The following CEP57L1 variants were observed in gnomAD, a reference collection of about 807,000 sequenced individuals.
The protein encoded by CEP57L1 is centrosomal protein CEP57L1.
A neutral mutation model predicts 61.0 loss-of-function variants in CEP57L1; 37 were observed. That is an observed-to-expected ratio of 0.61 (90% CI 0.47 to 0.80). The LOEUF (loss-of-function observed/expected upper bound fraction) is 0.80, where lower values mean the gene tolerates loss of function less well. Among genes scored for constraint, CEP57L1 ranks in the 30% least tolerant of loss-of-function variants. The probability of loss-of-function intolerance (pLI) is 0.00; values close to 1 mark genes in which losing one functional copy is unlikely to be tolerated. For synonymous variants in CEP57L1, 137 were observed against 162.3 expected (o/e 0.84, Z 1.19); for missense variants, 422 against 524.7 (o/e 0.80, Z 1.91).
At chr6:109,137,229 C>G (rs986969413) in intron 1 of CEP57L1, among the ~76,000 whole-genome samples, 1 of 151,972 alleles carries the variant, frequency 6.6e-6, no homozygotes. Context: ...GTTTTATTTA[C>G]TAAGTTATAA....
At chr6:109,136,217 A>G (rs906742216) in intron 1 of CEP57L1, among the ~76,000 whole-genome samples, 1 of 152,236 alleles carries the variant, frequency 6.6e-6, no homozygotes, top group African/African-American at 2.4e-5. Flanking sequence ...CATATACACC[A>G]TGGAATACTA....
intron 1 of CEP57L1, among the ~76,000 whole-genome samples, chr6:109,144,378 G>A (rs183206638): frequency 1.3e-5 from 2 of 152,180 alleles, no homozygotes; most frequent in East Asian, 3.9e-4. Flanking sequence ...AAGCTTTCTT[G>A]CTTAAAATTC....
At chr6:109,137,607 A>G (rs917717492) in intron 1 of CEP57L1, among the ~76,000 whole-genome samples, 1 of 152,164 alleles carries the variant, frequency 6.6e-6, no homozygotes, top group Non-Finnish European at 1.5e-5. Context: ...GCCTCAAAAC[A>G]TACTTTTAAT....
rs202141170 is a variant in CEP57L1 at position 109,164,488 on chromosome 6, C to T, written c.*1518C>T. ...TGCCCTTTGCCAGCTTTCACTCCCA[C>T]TCATTCACACCCTTAGCTCCTCAGC... On this transcript the variant is annotated 3_prime_UTR_variant, in exon 11 of 11. Transcript: ENST00000517392. Among the ~76,000 whole-genome samples the T allele has an allele frequency of 6.6e-5, 10 of 152,158 alleles. No individual in the cohort carries two copies. The highest frequency in any genetic ancestry group is 2.4e-4 in the African/African-American group (10 of 41,448).
intron 1 of CEP57L1, among the ~76,000 whole-genome samples, chr6:109,109,202 T>C (rs1449579529): frequency 2.0e-5 from 3 of 152,188 alleles, no homozygotes; most frequent in Non-Finnish European, 4.4e-5. Flanking sequence ...TTACTTGAAG[T>C]CTGTTCTGTG....
At chr6:109,109,277 A>G (rs1406572721) in intron 1 of CEP57L1, among the ~76,000 whole-genome samples, 1 of 152,232 alleles carries the variant, frequency 6.6e-6, no homozygotes, top group Non-Finnish European at 1.5e-5. Context: ...TGGAAAATGC[A>G]TGCTTCATCT....
rs1771678653 is a variant in CEP57L1 at position 109,143,853 on chromosome 6, A to G, written c.-3-1366A>G. Among the ~76,000 whole-genome samples, 13 of 152,168 alleles carry G rather than the reference A, an allele frequency of 8.5e-5. No homozygotes were observed. In the South Asian group the frequency reaches 2.5e-3, roughly 29 times the overall value. On this transcript the variant is annotated intron_variant, in intron 1 of 10. Transcript: ENST00000517392. ...TAAGTCAGATTTCTTGAGTAGCTCC[A>G]GTATTCTTGGGATAGCTTTAACAAC... is the stretch of plus-strand genomic sequence containing the variant.
intron 10 of CEP57L1, 126 bp from the exon 11 acceptor site, chr6:109,162,623 A>C (rs1998172): frequency 0.15 from 94,961 of 651,272 alleles, 8,421 homozygotes; most frequent in African/African-American, 0.33. Context: ...TAAAAACTTA[A>C]TGAATTGAAT....
chr6:109,148,992 T>G (rs1462831993), intron 3 of CEP57L1, among the ~76,000 whole-genome samples: 1 of 152,254 alleles, frequency 6.6e-6, no homozygotes, highest in African/African-American at 2.4e-5. Context: ...TAAATTTGTT[T>G]GAGTTCATTG....
chr6:109,146,976 G>A (rs762813768), intron 3 of CEP57L1, 39 bp downstream of exon 3: 2 of 1,526,610 alleles, frequency 1.3e-6, no homozygotes, highest in South Asian at 1.2e-5. Context: ...GGGGGTTACT[G>A]GAGTTTACAG....
intron 4 of CEP57L1, among the ~76,000 whole-genome samples, chr6:109,152,891 T>C (rs1433272166): frequency 6.6e-6 from 1 of 151,764 alleles, no homozygotes; most frequent in Non-Finnish European, 1.5e-5. Context: ...GGCAGATGAC[T>C]TGAGGTCAGG....
At chr6:109,155,175 AATG>A in intron 5 of CEP57L1, 52 bp from the exon 6 acceptor site, 1 of 1,105,104 alleles carries the variant, frequency 9.0e-7, no homozygotes, top group Non-Finnish European at 1.3e-6. Context: ...AAAAGAAACA[AATG>A]ATATTTGGCT....
At chr6:109,153,282 C>T (rs777624207) in intron 4 of CEP57L1, among the ~76,000 whole-genome samples, 3 of 130,922 alleles carry the variant, frequency 2.3e-5, no homozygotes, top group Non-Finnish European at 4.6e-5. Context: ...CACTCTGTTG[C>T]CCAGACTGGA....
chr6:109,142,460 G>A (rs558646089), intron 1 of CEP57L1, among the ~76,000 whole-genome samples: 16 of 152,206 alleles, frequency 1.1e-4, no homozygotes, highest in African/African-American at 3.9e-4. Flanking sequence ...AGGGCCTGTG[G>A]GTGGTAAGGG....
chr6:109,095,938 G>A (rs933513136), intron 1 of CEP57L1, among the ~76,000 whole-genome samples: 1 of 152,164 alleles, frequency 6.6e-6, no homozygotes, highest in Non-Finnish European at 1.5e-5. Context: ...TTTGCTTAGG[G>A]ATGTTCTGGG....
At chr6:109,139,269 G>A (rs758800323) in intron 1 of CEP57L1, among the ~76,000 whole-genome samples, 6 of 152,122 alleles carry the variant, frequency 3.9e-5, no homozygotes, top group Non-Finnish European at 7.4e-5. Flanking sequence ...TCAGAACGGA[G>A]CACAATTTAA....
At chr6:109,151,112 A>T (rs1159137586) in intron 4 of CEP57L1, among the ~76,000 whole-genome samples, 1 of 152,216 alleles carries the variant, frequency 6.6e-6, no homozygotes, top group Non-Finnish European at 1.5e-5. Flanking sequence ...ACAATGGCTT[A>T]TATGTTAGGA....
intron 9 of CEP57L1, 116 bp from the exon 10 acceptor site, chr6:109,160,456 A>G: frequency 1.4e-6 from 1 of 732,924 alleles, no homozygotes; most frequent in South Asian, 1.9e-5. Context: ...CTGTTTTTAA[A>G]GGTTAATATT....
chr6:109,154,883 C>T (rs969264422), intron 5 of CEP57L1, among the ~76,000 whole-genome samples: 5 of 151,790 alleles, frequency 3.3e-5, no homozygotes, highest in East Asian at 1.9e-4. Context: ...TTGAATGAAA[C>T]GTTGAGACCC....
Sources: gnomAD v4.1 joint callset for allele counts (sites outside exome capture counted in the v4.1 genomes callset) on GRCh38, gnomAD v4.1.1 for gene constraint, MANE v1.5 for transcripts, NCBI Gene and HGNC (gene_info 2026-07-23, HGNC 2026-07-21) for gene names.